Variants in SVOPL observed in about 807,000 individuals in gnomAD.
The protein encoded by SVOPL is SVOP like, also known as putative transporter SVOPL.
A neutral mutation model predicts 61.0 loss-of-function variants in SVOPL; 60 were observed. The ratio of observed to expected loss-of-function variants is 0.98; its 90% CI spans 0.80 to 1.22. The LOEUF is 1.22. Ranked by LOEUF, SVOPL falls within the 50% of genes most tolerant of loss-of-function variation. The probability of loss-of-function intolerance (pLI) is 0.00; values close to 1 mark genes in which losing one functional copy is unlikely to be tolerated. For missense variants in SVOPL, 662 were observed against 643.9 expected (o/e 1.03, Z -0.30); for synonymous variants, 279 against 250.0 (o/e 1.12, Z -1.09).
intron 9 of SVOPL, among the ~76,000 whole-genome samples, chr7:138,642,817 G>C (rs1285730156): frequency 8.3e-6 from 1 of 120,142 alleles, no homozygotes; most frequent in Admixed American, 8.9e-5. Context: ...ACGATAGAGC[G>C]AGACTCCTAC....
At chr7:138,620,119 G>GTTTTTTTTTTTTTTTTTTTTTTT (rs375556204) in intron 14 of SVOPL, among the ~76,000 whole-genome samples, 1 of 114,586 alleles carries the variant, frequency 8.7e-6, no homozygotes, top group Non-Finnish European at 1.8e-5. Flanking sequence ...TTTTTTTTCT[G>GTTTTTTTTTTTTTTTTTTTTTTT]TTTTGTTTTT....
chr7:138,602,441 C>CTATA (rs59400217), intron 14 of SVOPL, among the ~76,000 whole-genome samples: 2,795 of 140,058 alleles, frequency 0.02, 33 homozygotes, highest in Non-Finnish European at 0.026. Flanking sequence ...AAGGCAGTTG[C>CTATA]TATATATATA....
intron 7 of SVOPL, among the ~76,000 whole-genome samples, chr7:138,652,765 C>G (rs958467767): frequency 6.6e-6 from 1 of 152,030 alleles, no homozygotes; most frequent in Non-Finnish European, 1.5e-5. Context: ...GCTGGGATTA[C>G]AGGTGCACGC....
Position 138,695,101 on chromosome 7 carries a change from C to T in SVOPL, c.-35+6077G>A, listed in dbSNP as rs146247539. Among the ~76,000 whole-genome samples the T allele has an allele frequency of 2.1e-3, 317 of 152,266 alleles. 2 individuals carry two copies. Among genetic ancestry groups the T allele is most frequent in the African/African-American group, 7.2e-3 (301 of 41,548 alleles). On this transcript the variant is annotated intron_variant, in intron 1 of 15. Transcript: ENST00000674285. ...GGAATGATTTCAGCAAAGATGTTAT[C>T]CAAAACTGTGTTTAGTCTTTCAACA...
chr7:138,596,280 C>A, intron 15 of SVOPL, 137 bp downstream of exon 15: 5 of 646,550 alleles, frequency 7.7e-6, no homozygotes, highest in East Asian at 3.8e-5. Context: ...CCTTGTTATT[C>A]AAACTACAAC....
chr7:138,630,964 A>C (rs1191525904), intron 9 of SVOPL, among the ~76,000 whole-genome samples: 3 of 151,676 alleles, frequency 2.0e-5, no homozygotes, highest in Admixed American at 6.6e-5. Flanking sequence ...AAAAAAAAAA[A>C]AAAAAGCAAG....
intron 13 of SVOPL, among the ~76,000 whole-genome samples, chr7:138,622,515 C>T (rs970585718): frequency 2.6e-5 from 4 of 152,002 alleles, no homozygotes; most frequent in East Asian, 1.9e-4. Flanking sequence ...CCAAGTTGGC[C>T]GGGTTGGTCT....
At chr7:138,638,881 G>A (rs1362241860) in intron 9 of SVOPL, among the ~76,000 whole-genome samples, 1 of 152,190 alleles carries the variant, frequency 6.6e-6, no homozygotes, top group African/African-American at 2.4e-5. Flanking sequence ...AGTTAGTCAA[G>A]GAGACAAGGA....
chr7:138,617,944 G>A (rs1248124492), intron 14 of SVOPL, among the ~76,000 whole-genome samples: 2 of 152,172 alleles, frequency 1.3e-5, no homozygotes, highest in Non-Finnish European at 2.9e-5. Flanking sequence ...ATTCTGAGAA[G>A]CACTAAAGTT....
Position 138,629,251 on chromosome 7 carries a change from G to A in SVOPL, c.863+798C>T, listed in dbSNP as rs199585587. The stretch of plus-strand genomic sequence containing the variant: ...GGCTCTTCATGATTTTTTTTTTTTT[G>A]AGACAGTTTCATGCTGTCACCCAGG... On this transcript the variant is annotated intron_variant, in intron 10 of 15. Coordinates refer to ENST00000674285, the MANE Select transcript of SVOPL (RefSeq NM_001139456.2). Among the ~76,000 whole-genome samples, 140 of 70,854 alleles carry A rather than the reference G, an allele frequency of 2.0e-3. 3 individuals are homozygous for A. The East Asian group carries it at 0.042, about 21-fold the overall frequency. 46.5% of individuals were successfully genotyped at this position (70,854 alleles called of 152,430 possible).
chr7:138,622,154 C>CTATG (rs1799661058), intron 13 of SVOPL, among the ~76,000 whole-genome samples: 2 of 51,184 alleles, frequency 3.9e-5, no homozygotes, highest in African/African-American at 6.7e-5. Flanking sequence ...ATCTATGTAT[C>CTATG]TATCTGTCTA....
At chr7:138,689,947 GAC>G (rs1802904633) in intron 1 of SVOPL, among the ~76,000 whole-genome samples, 1 of 151,950 alleles carries the variant, frequency 6.6e-6, no homozygotes, top group Non-Finnish European at 1.5e-5. Context: ...GGAGAATTTG[GAC>G]ACAGAGACAG....
chr7:138,660,143 A>G (rs1801941002), intron 5 of SVOPL, 155 bp from the exon 6 acceptor site: 2 of 1,436,282 alleles, frequency 1.4e-6, no homozygotes, highest in East Asian at 2.6e-5. Context: ...CAATCATCCA[A>G]CAATACAATC....
At chr7:138,658,424 G>T (rs1330881168) in intron 6 of SVOPL, among the ~76,000 whole-genome samples, 1 of 151,792 alleles carries the variant, frequency 6.6e-6, no homozygotes, top group Admixed American at 6.6e-5. Context: ...ATTATGTTTG[G>T]ATTGACTTCA....
rs551592885 is a variant in SVOPL, at chr7:138,640,369, T to C, written c.789+4348A>G. ...GCCTCAGCCTCCCGAGTAGCTGGGA[T>C]TACAGGCATGTGCCACCATGCCTGG... On this transcript the variant is annotated intron_variant, in intron 9 of 15. Transcript: ENST00000674285. 3.3e-3 allele frequency among the ~76,000 whole-genome samples: 499 copies of C among 152,186 alleles called. 1 individual carries two copies. The highest frequency in any genetic ancestry group is 4.5e-3 in the Non-Finnish European group (308 of 68,010).
At chr7:138,663,576 T>C in intron 4 of SVOPL, 1 of 990,872 alleles carries the variant, frequency 1.0e-6, no homozygotes, top group South Asian at 4.6e-5. Context: ...ATCCAATCAC[T>C]CATTTAAAAA....
Position 138,644,818 on chromosome 7 carries a change from C to G in SVOPL, c.688G>C (p.Val230Leu). The change falls in exon 9 of 16, where the codon GTC becomes CTC. Residue 230 changes from valine to leucine, a missense_variant. Transcript: ENST00000674285. ...GCAGCCCGAGTGTTCCCAGTGGAGA[C>G]ATTGAACCGGGCAGATTCAGGAATA... ...KFIPESARFN[V>L]STGNTRAALA... 1.9e-6 allele frequency: 3 copies of G among 1,614,152 alleles called. No individual in the cohort carries two copies. The highest frequency in any genetic ancestry group is 2.5e-6 in the Non-Finnish European group (3 of 1,180,032).
chr7:138,659,774 T>A (rs373947654), intron 6 of SVOPL, 90 bp downstream of exon 6: 1 of 1,261,646 alleles, frequency 7.9e-7, no homozygotes. Flanking sequence ...GGGTTCACAA[T>A]GCTTTTGGTC....
At chr7:138,689,121 C>A in intron 1 of SVOPL, 1 of 826,570 alleles carries the variant, frequency 1.2e-6, no homozygotes, top group Non-Finnish European at 2.1e-6. Context: ...CACGAAGTAT[C>A]TGAAAGATGT....
Sources: allele counts gnomAD v4.1 joint callset (sites outside exome capture counted in the v4.1 genomes callset), GRCh38; gene constraint gnomAD v4.1.1; transcripts MANE v1.5; gene names NCBI Gene and HGNC (gene_info 2026-07-23, HGNC 2026-07-21).